PYGB: variants seen among roughly 807,000 people sequenced by gnomAD.
The protein encoded by PYGB is glycogen phosphorylase, brain form.
Under a neutral mutation model 94.3 loss-of-function variants are expected in PYGB, and 82 were observed. The observed-to-expected ratio is 0.87, with a 90% CI of 0.73 to 1.04. The LOEUF (loss-of-function observed/expected upper bound fraction) is 1.04, where lower values mean the gene tolerates loss of function less well. PYGB is among the 50% of genes least tolerant of loss of function. PYGB has a pLI of 0.00. For missense variants in PYGB, 1,132 were observed against 1,158.2 expected, an observed-to-expected ratio of 0.98 and a Z score of 0.33; for synonymous variants, 488 against 479.1, an observed-to-expected ratio of 1.02 and a Z score of -0.24.
chr20:25,293,001 G>A (rs535750351), intron 17 of PYGB, among the ~76,000 whole-genome samples: 250 of 152,266 alleles, frequency 1.6e-3, no homozygotes, highest in Middle Eastern at 3.4e-3. Context: ...TGCCAGGGGC[G>A]CTCTGCCGGG....
At position 25,296,487 on chromosome 20, in the gene PYGB, C is replaced by A; in HGVS notation, c.2497C>A (p.Leu833Met). 2 of 1,613,812 alleles carry A rather than the reference C, an allele frequency of 1.2e-6. No individual in the cohort carries two copies. Among genetic ancestry groups the A allele is most frequent in the Non-Finnish European group, 1.7e-6 (2 of 1,179,992 alleles). Reference sequence around the variant, plus strand: ...GATCTGGGGTGTGGAGCCCTCCGACCTGCAGATCCCGCCCCCCAACATCCC... The same window carrying A: ...GATCTGGGGTGTGGAGCCCTCCGACATGCAGATCCCGCCCCCCAACATCCC... ...REIWGVEPSDLQIPPPNIPRD is the reference protein window; with the variant it reads ...REIWGVEPSDMQIPPPNIPRD The change falls in exon 20 of 20, where the codon CTG (leucine) becomes ATG (methionine). Residue 833 changes from leucine to methionine, a missense_variant. Leu to Met is a conservative substitution (Grantham distance 15). Transcript: ENST00000216962.
At chr20:25,251,901 G>A (rs79345688) in intron 1 of PYGB, among the ~76,000 whole-genome samples, 36 of 152,070 alleles carry the variant, frequency 2.4e-4, no homozygotes, top group East Asian at 1.7e-3. Flanking sequence ...AATGAAATAC[G>A]ATTAATCTTT....
At chr20:25,271,265 A>T in intron 3 of PYGB, 118 bp from the exon 4 acceptor site, 1 of 899,504 alleles carries the variant, frequency 1.1e-6, no homozygotes, top group Non-Finnish European at 1.8e-6. Context: ...CCTCTCAGTG[A>T]AGCCTGAAGT....
At chr20:25,291,214 G>A (rs950194872) in intron 16 of PYGB, among the ~76,000 whole-genome samples, 1 of 152,208 alleles carries the variant, frequency 6.6e-6, no homozygotes, top group Non-Finnish European at 1.5e-5. Context: ...TGCTTCCTGA[G>A]GGCAGCCTGG....
chr20:25,250,547 C>T (rs2092884828), intron 1 of PYGB, among the ~76,000 whole-genome samples: 1 of 152,222 alleles, frequency 6.6e-6, no homozygotes, highest in Admixed American at 6.5e-5. Flanking sequence ...TGGGATTTAA[C>T]TGCTTCTTTC....
rs770492599 is a variant in PYGB, at chr20:25,287,842, G to A, written c.1769-583G>A. Among the ~76,000 whole-genome samples, 93 of 152,120 alleles carry A rather than the reference G, an allele frequency of 6.1e-4. 1 individual carries two copies. The highest frequency in any genetic ancestry group is 1.6e-4 in the Non-Finnish European group (11 of 68,032). On this transcript the variant is annotated intron_variant, in intron 14 of 19. Transcript: ENST00000216962. ...CAAAAAATTAAAAAATTAGCTGGGCGCAGTGGCACGTGCCTAGGATCCCAG... is the reference window on the plus strand; with the variant it reads ...CAAAAAATTAAAAAATTAGCTGGGCACAGTGGCACGTGCCTAGGATCCCAG...
Position 25,280,330 on chromosome 20 carries a change from A to T in PYGB, c.1157A>T (p.Glu386Val), listed in dbSNP as rs1397646911. ...TNHTVLPEALERWPVSMFEKL... is the reference protein window; with the variant it reads ...TNHTVLPEALVRWPVSMFEKL... ...CACACTGTGCTGCCTGAGGCCTTGG[A>T]GCGCTGGCCCGTGTCCATGTTTGAG... is the stretch of plus-strand genomic sequence containing the variant. Residue 386 changes from glutamate (E) to valine (V), a missense_variant, in exon 10 of 20, where the codon GAG becomes GTG. Glu to Val is a moderately radical substitution (Grantham distance 121). Coordinates refer to ENST00000216962, the MANE Select transcript of PYGB (RefSeq NM_002862.4). 1 of 1,613,956 alleles carries T rather than the reference A, an allele frequency of 6.2e-7. No individual in the cohort carries two copies. The highest frequency in any genetic ancestry group is 8.5e-7 in the Non-Finnish European group (1 of 1,179,906).
In PYGB at chr20:25,291,451, T is replaced by C. The variant is rs894650926; in HGVS notation, c.1969+829T>C. Among the ~76,000 whole-genome samples the C allele has an allele frequency of 5.9e-5, 9 of 152,172 alleles. No individual in the cohort carries two copies. In the East Asian group the frequency reaches 1.7e-3, roughly 29 times the overall value. Reference sequence around the variant, plus strand: ...CGCAGGTGAGAGGGCTGATCTGCTGTTGTTCTGCAAGCTCCGTGGTGCAGG... The same window carrying C: ...CGCAGGTGAGAGGGCTGATCTGCTGCTGTTCTGCAAGCTCCGTGGTGCAGG... On this transcript the variant is annotated intron_variant, in intron 16 of 19. Coordinates refer to ENST00000216962, the MANE Select transcript of PYGB (RefSeq NM_002862.4).
intron 3 of PYGB, 74 bp downstream of exon 3, chr20:25,269,281 T>C: frequency 7.8e-7 from 1 of 1,276,718 alleles, no homozygotes; most frequent in East Asian, 2.4e-5. Context: ...GAGGCCAGGG[T>C]CAGGTAAATT....
intron 2 of PYGB, among the ~76,000 whole-genome samples, chr20:25,259,801 G>A (rs1175660147): frequency 6.6e-6 from 1 of 152,200 alleles, no homozygotes; most frequent in Non-Finnish European, 1.5e-5. Context: ...TTTCTTGAGA[G>A]TTCTTCATTA....
At chr20:25,291,704 A>C (rs1191135513) in intron 16 of PYGB, among the ~76,000 whole-genome samples, 1 of 151,744 alleles carries the variant, frequency 6.6e-6, no homozygotes, top group African/African-American at 2.4e-5. Context: ...TTTTGGGGCC[A>C]GCTGACTCCT....
At chr20:25,293,534 T>G (rs1351702337) in intron 17 of PYGB, among the ~76,000 whole-genome samples, 2 of 152,192 alleles carry the variant, frequency 1.3e-5, no homozygotes, top group African/African-American at 2.4e-5. Flanking sequence ...TGTGAGGCCT[T>G]AAGTAGGGTC....
At chr20:25,265,386 A>C (rs2088207490) in intron 2 of PYGB, among the ~76,000 whole-genome samples, 2 of 152,098 alleles carry the variant, frequency 1.3e-5, no homozygotes, top group African/African-American at 2.4e-5. Context: ...CATCCTCACC[A>C]ATGCTTCTTC....
chr20:25,260,762 A>G (rs969503131), intron 2 of PYGB, among the ~76,000 whole-genome samples: 4 of 152,234 alleles, frequency 2.6e-5, no homozygotes, highest in Admixed American at 6.5e-5. Flanking sequence ...CACCTGGAGA[A>G]TCAGATCACT....
chr20:25,282,461 C>G (rs1168468192), intron 12 of PYGB, among the ~76,000 whole-genome samples: 1 of 152,246 alleles, frequency 6.6e-6, no homozygotes, highest in African/African-American at 2.4e-5. Context: ...GGCTGGGCAC[C>G]TATTTCCTGT....
intron 1 of PYGB, among the ~76,000 whole-genome samples, chr20:25,253,021 GAC>G (rs1290633257): frequency 6.6e-6 from 1 of 152,240 alleles, no homozygotes; most frequent in Non-Finnish European, 1.5e-5. Flanking sequence ...AATAACAAAA[GAC>G]ACTTCTTTCA....
In PYGB at chr20:25,248,093, GGC is replaced by G; in HGVS notation, c.-83_-82del. 1 of 1,319,350 alleles carries G rather than the reference GGC, an allele frequency of 7.6e-7. No homozygotes were observed. The allele number at this position is 1,319,350 out of a possible 1,614,324, so 81.7% of individuals were successfully genotyped here. On this transcript the variant is annotated 5_prime_UTR_variant, in exon 1 of 20. Coordinates refer to ENST00000216962, the MANE Select transcript of PYGB (RefSeq NM_002862.4). Reference sequence around the variant, plus strand: ...CCGCAGTGCCGGGCGCCAGAGCAGCGGCGCCAGAGCAGCTGCACCATCCCGGC... The same window carrying G: ...CCGCAGTGCCGGGCGCCAGAGCAGCGGCCAGAGCAGCTGCACCATCCCGGC...
At chr20:25,290,144 G>A (rs1442693541) in intron 15 of PYGB, among the ~76,000 whole-genome samples, 2 of 152,212 alleles carry the variant, frequency 1.3e-5, no homozygotes, top group Non-Finnish European at 2.9e-5. Flanking sequence ...GTGTGTCCCA[G>A]TATGTCCCTA....
At position 25,296,946 on chromosome 20, in the gene PYGB, C is replaced by T. The variant is rs573905844; in HGVS notation, c.*424C>T. ...AGCCTGGGAATGAGTGTTACTGCAG[C>T]ATCTGGGCTGCCAGCCACAGGGAAG... On this transcript the variant is annotated 3_prime_UTR_variant, in exon 20 of 20. Coordinates refer to ENST00000216962, the MANE Select transcript of PYGB (RefSeq NM_002862.4). 1.8e-5 allele frequency: 3 copies of T among 169,472 alleles called. No individual in the cohort carries two copies. Among genetic ancestry groups the T allele is most frequent in the African/African-American group, 7.2e-5 (3 of 41,726 alleles). The allele number at this position is 169,472 out of a possible 1,614,324, so 10.5% of individuals were successfully genotyped here.
Sources: gnomAD v4.1 joint callset for allele counts (sites outside exome capture counted in the v4.1 genomes callset) on GRCh38, gnomAD v4.1.1 for gene constraint, MANE v1.5 for transcripts, NCBI Gene and HGNC (gene_info 2026-07-23, HGNC 2026-07-21) for gene names.